CDH18: variants seen among roughly 807,000 people sequenced by gnomAD.
CDH18 encodes the protein cadherin 18, also known as cadherin-18.
A neutral mutation model predicts 67.9 loss-of-function variants in CDH18; 31 were observed. The observed-to-expected ratio is 0.46, with a 90% confidence interval of 0.34 to 0.62. The LOEUF (loss-of-function observed/expected upper bound fraction) is 0.62, where lower values mean the gene tolerates loss of function less well. Ranked by LOEUF, CDH18 falls within the 20% of genes least tolerant of loss-of-function variation. The pLI is 0.01. For missense variants in CDH18, 890 were observed against 975.5 expected (o/e 0.91, Z 1.17); for synonymous variants, 362 against 347.2 (o/e 1.04, Z -0.48).
At chr5:20,332,180 A>G (rs541097797) in intron 1 of CDH18, among the ~76,000 whole-genome samples, 1 of 152,366 alleles carries the variant, frequency 6.6e-6, no homozygotes, top group Admixed American at 6.5e-5. Flanking sequence ...ATGTAAATAT[A>G]TAACTGGAAT....
chr5:19,623,840 T>C (rs1047461572), intron 5 of CDH18, among the ~76,000 whole-genome samples: 8 of 138,142 alleles, frequency 5.8e-5, no homozygotes, highest in Admixed American at 3.1e-4. Flanking sequence ...ATTGACAACA[T>C]AGGTCCATAA....
chr5:20,194,760 G>A (rs1450299687), intron 2 of CDH18, among the ~76,000 whole-genome samples: 2 of 151,976 alleles, frequency 1.3e-5, no homozygotes, highest in East Asian at 3.9e-4. Context: ...AGTTGATTCA[G>A]CTGATCTGGG....
chr5:20,452,985 T>C (rs572694867), intron 1 of CDH18, among the ~76,000 whole-genome samples: 1 of 152,068 alleles, frequency 6.6e-6, no homozygotes, highest in African/African-American at 2.4e-5. Flanking sequence ...AAAGACCAAG[T>C]CATTATAATA....
chr5:19,683,494 A>C (rs1055630271), intron 5 of CDH18, among the ~76,000 whole-genome samples: 2 of 152,048 alleles, frequency 1.3e-5, no homozygotes, highest in African/African-American at 4.8e-5. Flanking sequence ...AAAAGAGGGT[A>C]GTGTTTGACT....
At chr5:20,434,462 C>T (rs1749012780) in intron 1 of CDH18, among the ~76,000 whole-genome samples, 1 of 151,836 alleles carries the variant, frequency 6.6e-6, no homozygotes, top group African/African-American at 2.4e-5. Context: ...AAAGAGACTT[C>T]AATAGCAAAT....
rs1010739756 is a variant in CDH18 at position 19,516,594 on chromosome 5, G to A, written c.1512+4063C>T. Among the ~76,000 whole-genome samples, 9 of 152,136 alleles carry A rather than the reference G, an allele frequency of 5.9e-5. No individual in the cohort carries two copies. The South Asian group carries it at 1.2e-3, about 21-fold the overall frequency. On this transcript the variant is annotated intron_variant, in intron 10 of 12. Transcript: ENST00000382275. ...TAGTCTTGGTAGGGTATATTGTCCAGGACTGTATCCATTTCTTCTAGATTT... is the reference window on the plus strand; with the variant it reads ...TAGTCTTGGTAGGGTATATTGTCCAAGACTGTATCCATTTCTTCTAGATTT...
intron 3 of CDH18, among the ~76,000 whole-genome samples, chr5:19,773,323 TA>T (rs1773936912): frequency 6.6e-6 from 1 of 152,108 alleles, no homozygotes; most frequent in African/African-American, 2.4e-5. Context: ...AGTTTTTATT[TA>T]AAAAAGATAT....
At chr5:19,686,578 G>A (rs1761124389) in intron 5 of CDH18, among the ~76,000 whole-genome samples, 1 of 152,106 alleles carries the variant, frequency 6.6e-6, no homozygotes, top group African/African-American at 2.4e-5. Context: ...TGTATTCAGT[G>A]GGATGCAGTT....
chr5:19,667,177 C>G (rs1445981436), intron 5 of CDH18, among the ~76,000 whole-genome samples: 1 of 151,438 alleles, frequency 6.6e-6, no homozygotes, highest in Admixed American at 6.6e-5. Flanking sequence ...TTCACCAAAA[C>G]TAAATTTATA....
intron 9 of CDH18, 83 bp downstream of exon 9, chr5:19,543,786 A>G (rs1002435427): frequency 1.1e-6 from 1 of 933,470 alleles, no homozygotes; most frequent in Admixed American, 2.4e-5. Flanking sequence ...AATAAAGATT[A>G]TGAGAGCCCT....
intron 2 of CDH18, among the ~76,000 whole-genome samples, chr5:20,169,063 G>C (rs576171710): frequency 2.0e-5 from 3 of 152,048 alleles, no homozygotes; most frequent in Non-Finnish European, 4.4e-5. Context: ...AAGACCTACT[G>C]TTTGATAGCA....
intron 2 of CDH18, among the ~76,000 whole-genome samples, chr5:20,016,593 T>G (rs776396866): frequency 3.3e-5 from 5 of 152,138 alleles, no homozygotes; most frequent in Non-Finnish European, 5.9e-5. Flanking sequence ...CCAACAATAA[T>G]TCAGCATTGC....
At chr5:20,180,954 C>T (rs539895720) in intron 2 of CDH18, among the ~76,000 whole-genome samples, 10 of 152,208 alleles carry the variant, frequency 6.6e-5, no homozygotes, top group African/African-American at 2.4e-4. Flanking sequence ...TGAGCTTCTC[C>T]ATACTCTCTT....
intron 2 of CDH18, among the ~76,000 whole-genome samples, chr5:20,209,721 T>C (rs185203873): frequency 1.6e-4 from 24 of 152,096 alleles, no homozygotes; most frequent in African/African-American, 5.1e-4. Context: ...CAATAGTCTA[T>C]TGTATATTTT....
intron 5 of CDH18, among the ~76,000 whole-genome samples, chr5:19,712,193 G>T (rs940396778): frequency 6.6e-6 from 1 of 151,762 alleles, no homozygotes; most frequent in African/African-American, 2.4e-5. Flanking sequence ...TTACTTATTG[G>T]GTACAAAGTA....
intron 1 of CDH18, among the ~76,000 whole-genome samples, chr5:20,315,847 A>G (rs1185552580): frequency 1.3e-5 from 2 of 152,036 alleles, no homozygotes; most frequent in Non-Finnish European, 2.9e-5. Flanking sequence ...ACATTATCTT[A>G]TTTTTGGTTT....
intron 5 of CDH18, among the ~76,000 whole-genome samples, chr5:19,693,621 G>A (rs569694296): frequency 8.7e-4 from 133 of 152,302 alleles, no homozygotes; most frequent in Non-Finnish European, 1.7e-3. Context: ...GGAAGGCCAA[G>A]CATGGTGGCT....
chr5:19,909,300 C>CTT (rs11352062), intron 2 of CDH18, among the ~76,000 whole-genome samples: 6 of 130,418 alleles, frequency 4.6e-5, no homozygotes, highest in Admixed American at 1.6e-4. Context: ...GTTTCCTTCA[C>CTT]TTTTTTTTTT....
chr5:20,316,192 T>C (rs989930492), intron 1 of CDH18, among the ~76,000 whole-genome samples: 2 of 152,124 alleles, frequency 1.3e-5, no homozygotes, highest in Non-Finnish European at 2.9e-5. Flanking sequence ...TTTTATTCAT[T>C]TTGAAAATTG....
Sources: allele counts gnomAD v4.1 joint callset (sites outside exome capture counted in the v4.1 genomes callset), GRCh38; gene constraint gnomAD v4.1.1; transcripts MANE v1.5; gene names NCBI Gene and HGNC (gene_info 2026-07-23, HGNC 2026-07-21).